Variants in PFKFB2 observed in about 807,000 individuals in gnomAD.
PFKFB2 encodes 6-phosphofructo-2-kinase/fructose-2,6-bisphosphatase 2.
PFKFB2 carries 53 observed loss-of-function variants against 68.0 expected under a neutral mutation model. The ratio of observed to expected loss-of-function variants is 0.78; its 90% CI spans 0.63 to 0.98. PFKFB2 has a LOEUF of 0.98. PFKFB2 is among the 50% of genes least tolerant of loss of function. The probability of loss-of-function intolerance (pLI) is 0.00; values close to 1 mark genes in which losing one functional copy is unlikely to be tolerated. For missense variants in PFKFB2, 451 were observed against 642.0 expected, an observed-to-expected ratio of 0.70 and a Z score of 3.22; for synonymous variants, 222 against 227.6, an observed-to-expected ratio of 0.98 and a Z score of 0.22.
chr1:207,039,770 T>C (rs1056665360), intron 1 of PFKFB2, among the ~76,000 whole-genome samples: 2 of 152,204 alleles, frequency 1.3e-5, no homozygotes, highest in Non-Finnish European at 2.9e-5. Flanking sequence ...GTTTGCAGTG[T>C]AGAGCCAAAA....
At chr1:207,061,719 T>C (rs1683122102) in intron 2 of PFKFB2, among the ~76,000 whole-genome samples, 2 of 152,046 alleles carry the variant, frequency 1.3e-5, no homozygotes, top group African/African-American at 4.8e-5. Context: ...CCATCTCTAC[T>C]GAAAATACAA....
At chr1:207,050,945 G>A (rs201269070), upstream of PFKFB2, 949 of 1,576,462 alleles carry the variant, frequency 6.0e-4, 1 homozygote, top group Non-Finnish European at 5.0e-4. Context: ...GCCAGCTTTG[G>A]TCCCGGCAGC....
intron 2 of PFKFB2, among the ~76,000 whole-genome samples, chr1:207,060,229 G>A (rs1334888743): frequency 6.6e-6 from 1 of 152,232 alleles, no homozygotes; most frequent in African/African-American, 2.4e-5. Context: ...TCTAGTGCCA[G>A]CTGTACCCTT....
intron 2 of PFKFB2, chr1:207,048,212 C>T (rs765307483): frequency 6.6e-6 from 1 of 152,606 alleles, no homozygotes; most frequent in Non-Finnish European, 1.5e-5. Context: ...ACGAGGCCAA[C>T]GGTCTTTTAA....
chr1:207,049,098 A>G (rs979745008), upstream of PFKFB2: 2 of 1,613,820 alleles, frequency 1.2e-6, no homozygotes, highest in Non-Finnish European at 1.7e-6. Context: ...ATCCTTTCTG[A>G]CATACCATGC....
At position 207,076,248 on chromosome 1, in the gene PFKFB2, TTTTC is replaced by T; in HGVS notation, c.*3881_*3884del. The T allele has an allele frequency of 1.0e-6, 1 of 976,630 alleles. No individual in the cohort carries two copies. The highest frequency in any genetic ancestry group is 1.2e-6 in the Non-Finnish European group (1 of 822,374). The allele number at this position is 976,630 out of a possible 1,614,324, so 60.5% of individuals were successfully genotyped here. A position where few individuals can be genotyped will look rare whatever the true frequency, so the allele number is the denominator to read the frequency against. ...AATAAATTCATCTATGTTACTTTTT[TTTTC>T]TTTTTTTTTTTTTTTTATGAGCAGG... On this transcript the variant is annotated 3_prime_UTR_variant, in exon 15 of 15. Transcript: ENST00000367080.
chr1:207,079,071 A>T (rs755306790), downstream of PFKFB2: 3 of 1,467,556 alleles, frequency 2.0e-6, no homozygotes, highest in African/African-American at 1.4e-5. Context: ...TCTACTGAAA[A>T]GCTTGGGATG....
intron 2 of PFKFB2, chr1:207,045,491 G>A (rs957393103): frequency 2.0e-5 from 3 of 152,040 alleles, no homozygotes; most frequent in African/African-American, 2.4e-5. Flanking sequence ...GGGCCAACAT[G>A]TAAACTTTTA....
In PFKFB2 at chr1:207,062,506, T is replaced by C. The variant is rs1393866216; in HGVS notation, c.212-114T>C. 3.3e-6 allele frequency: 5 copies of C among 1,502,684 alleles called. No individual in the cohort carries two copies. The African/African-American group carries it at 5.6e-5, about 17-fold the overall frequency. The allele number at this position is 1,502,684 out of a possible 1,614,324, so 93.1% of individuals were successfully genotyped here. ...ATCTGATATTGTTCCCAACCTACCA[T>C]GCTGCCGCTTTTTTCATCCCCTTGG... On this transcript the variant is annotated intron_variant, in intron 3 of 14. Transcript: ENST00000367080.
chr1:207,048,995 G>T, upstream of PFKFB2: 1 of 1,597,460 alleles, frequency 6.3e-7, no homozygotes, highest in Non-Finnish European at 8.5e-7. Flanking sequence ...GAGGTAGTAG[G>T]CTTCAACCCT....
At chr1:207,055,613 TGTCA>T (rs1483477411) in intron 2 of PFKFB2, among the ~76,000 whole-genome samples, 2 of 151,480 alleles carry the variant, frequency 1.3e-5, no homozygotes, top group Non-Finnish European at 2.9e-5. Context: ...TGCAGAATCC[TGTCA>T]GTCAGTTCTT....
intron 9 of PFKFB2, among the ~76,000 whole-genome samples, chr1:207,067,933 T>C (rs17020154): frequency 0.019 from 2,902 of 152,326 alleles, 83 homozygotes; most frequent in African/African-American, 0.067. Context: ...CAGATATTCA[T>C]TGGGCACAAC....
chr1:207,052,134 G>A (rs954633069), upstream of PFKFB2: 51 of 1,553,868 alleles, frequency 3.3e-5, no homozygotes, highest in Non-Finnish European at 4.1e-5. Flanking sequence ...AGCATCAAAC[G>A]GGCCCGCTGG....
At chr1:207,036,451 C>G (rs879868284) in intron 1 of PFKFB2, among the ~76,000 whole-genome samples, 4 of 152,170 alleles carry the variant, frequency 2.6e-5, no homozygotes, top group African/African-American at 7.2e-5. Context: ...CAAATGGGTA[C>G]TTTATACTTC....
At chr1:207,061,889 A>C in intron 2 of PFKFB2, 64 bp from the exon 3 acceptor site, 1 of 1,459,490 alleles carries the variant, frequency 6.9e-7, no homozygotes, top group South Asian at 1.1e-5. Context: ...TCAAAAAAAC[A>C]AACACCAAAA....
rs926099989 is a variant in PFKFB2 at position 207,074,951 on chromosome 1, C to T, written c.*2580C>T. The T allele has an allele frequency of 1.8e-5, 18 of 985,278 alleles. No individual in the cohort carries two copies. Among genetic ancestry groups the T allele is most frequent in the Middle Eastern group, 5.2e-4 (1 of 1,936 alleles). The allele number at this position is 985,278 out of a possible 1,614,324, so 61.0% of individuals were successfully genotyped here. ...TGAGAATGAGATATGGTTGGGGAGGCGTGTTTGGCACTTTTACAAGGTTGC... is the reference window on the plus strand; with the variant it reads ...TGAGAATGAGATATGGTTGGGGAGGTGTGTTTGGCACTTTTACAAGGTTGC... On this transcript the variant is annotated 3_prime_UTR_variant, in exon 15 of 15. Transcript: ENST00000367080.
chr1:207,036,018 C>T lies in PFKFB2; in HGVS notation c.-62+1546C>T, dbSNP rs867641988. On this transcript the variant is annotated intron_variant, in intron 1 of 5. Coordinates refer to the PFKFB2 transcript ENST00000545806. ...AATACCTGAGACCTAGTAATTGATA[C>T]GGAAAAGGGGTTTGGCTGGGCATGA... Among the ~76,000 whole-genome samples the T allele has an allele frequency of 1.5e-4, 23 of 152,122 alleles. 1 individual carries two copies. The East Asian group carries it at 2.1e-3, about 14-fold the overall frequency.
intron 1 of PFKFB2, chr1:207,034,569 A>T (rs1016668745): frequency 2.6e-5 from 4 of 152,242 alleles, no homozygotes; most frequent in Non-Finnish European, 5.9e-5. Context: ...GAACAGACAC[A>T]GTTTTTCAGT....
Position 207,074,947 on chromosome 1 carries a change from G to A in PFKFB2, c.*2576G>A. 2 of 985,464 alleles carry A rather than the reference G, an allele frequency of 2.0e-6. No homozygotes were observed. Among genetic ancestry groups the A allele is most frequent in the Non-Finnish European group, 2.4e-6 (2 of 829,936 alleles). 61.0% of individuals were successfully genotyped at this position (985,464 alleles called of 1,614,324 possible). On this transcript the variant is annotated 3_prime_UTR_variant, in exon 15 of 15. Coordinates refer to ENST00000367080, the MANE Select transcript of PFKFB2 (RefSeq NM_006212.2). ...AGTGTGAGAATGAGATATGGTTGGG[G>A]AGGCGTGTTTGGCACTTTTACAAGG...
Sources: gnomAD v4.1 joint callset for allele counts (sites outside exome capture counted in the v4.1 genomes callset) on GRCh38, gnomAD v4.1.1 for gene constraint, MANE v1.5 for transcripts, NCBI Gene and HGNC (gene_info 2026-07-23, HGNC 2026-07-21) for gene names.